The following SOX30 variants were observed in gnomAD, a reference collection of about 807,000 sequenced individuals.
SOX30 encodes the protein SRY-box transcription factor 30, also known as transcription factor SOX-30.
In SOX30, 17 loss-of-function variants were observed where a neutral mutation model predicts 58.6. The ratio of observed to expected loss-of-function variants is 0.29; its 90% CI spans 0.20 to 0.44. The LOEUF is 0.44. Ranked by LOEUF, SOX30 falls within the 20% of genes least tolerant of loss-of-function variation. The pLI is 1.00. For synonymous variants in SOX30, 421 were observed against 400.2 expected (o/e 1.05, Z -0.62); for missense variants, 951 against 965.8 (o/e 0.98, Z 0.20).
rs375835461 is a variant in SOX30 at position 157,666,478 on chromosome 5, GACACACACACACACACACACACACAC to G, written c.52+1294_52+1319del. Reference sequence around the variant, plus strand: ...AGATGAAAGATTCTTTAGTCCAGTAGACACACACACACACACACACACACACACACACACACACACACACACACACC... The same window carrying G: ...AGATGAAAGATTCTTTAGTCCAGTAGACACACACACACACACACACACACC... On this transcript the variant is annotated intron_variant, in intron 2 of 5. Transcript: ENST00000519442. Among the ~76,000 whole-genome samples the G allele has an allele frequency of 3.8e-5, 5 of 132,528 alleles. No individual in the cohort carries two copies. In the South Asian group the frequency reaches 8.1e-4, roughly 21 times the overall value. 86.9% of individuals were successfully genotyped at this position (132,528 alleles called of 152,430 possible). A position where few individuals can be genotyped will look rare whatever the true frequency, so the allele number is the denominator to read the frequency against.
intron 4 of SOX30, among the ~76,000 whole-genome samples, chr5:157,630,806 G>C (rs1306291343): frequency 1.4e-5 from 2 of 145,148 alleles, no homozygotes; most frequent in African/African-American, 5.1e-5. Context: ...CTGGATATGT[G>C]TGTGGCCTTC....
chr5:157,663,097 T>G (rs183370979), intron 2 of SOX30, among the ~76,000 whole-genome samples: 1 of 152,150 alleles, frequency 6.6e-6, no homozygotes, highest in Non-Finnish European at 1.5e-5. Flanking sequence ...CCCTAACTCA[T>G]TTTATGAGGC....
chr5:157,652,386 C>A lies in SOX30; in HGVS notation c.-308G>T. 1 of 1,110,938 alleles carries A rather than the reference C, an allele frequency of 9.0e-7. No homozygotes were observed. The allele number at this position is 1,110,938 out of a possible 1,614,324, so 68.8% of individuals were successfully genotyped here. ...TTCGTTCTGACTCTCTTGTGGAGTTCTCTTACAGCCGTTGTCTTTAGTCAT... is the reference window on the plus strand; with the variant it reads ...TTCGTTCTGACTCTCTTGTGGAGTTATCTTACAGCCGTTGTCTTTAGTCAT... On this transcript the variant is annotated 5_prime_UTR_variant, in exon 1 of 5. Coordinates refer to ENST00000265007, the MANE Select transcript of SOX30 (RefSeq NM_178424.2).
In SOX30 at chr5:157,651,337, A is replaced by G; in HGVS notation, c.742T>C (p.Ser248Pro). 6.2e-7 allele frequency: 1 copy of G among 1,613,968 alleles called. No homozygotes were observed. The highest frequency in any genetic ancestry group is 8.5e-7 in the Non-Finnish European group (1 of 1,180,028). The change falls in exon 1 of 5, where the codon TCC (serine) becomes CCC (proline). Residue 248 changes from serine to proline, a missense_variant. By Grantham distance (74) the Ser-to-Pro change is moderately conservative. This residue lies in a region of SOX30 where 84 missense variants were observed against 68.2 expected (regional missense o/e 1.23). Transcript: ENST00000265007. ...GSAEVILAPTSGAFGPHQQDL... is the reference protein window; with the variant it reads ...GSAEVILAPTPGAFGPHQQDL... ...TGCTGGTGCGGCCCAAAGGCACCGGACGTTGGGGCCAAGATGACCTCCGCG... is the reference window on the plus strand; with the variant it reads ...TGCTGGTGCGGCCCAAAGGCACCGGGCGTTGGGGCCAAGATGACCTCCGCG...
upstream of SOX30, among the ~76,000 whole-genome samples, chr5:157,656,855 T>G (rs1411497779): frequency 6.6e-6 from 1 of 152,228 alleles, no homozygotes; most frequent in Non-Finnish European, 1.5e-5. Context: ...TTGTAGGACA[T>G]TCTGTGTGTG....
rs1759373649 is a variant in SOX30 at position 157,652,172 on chromosome 5, T to A, written c.-94A>T. ...TTCGGTTAAGAGCCTTGCAAGGCCT[T>A]TGCTACCCAGAACCCTACGCGGTTC... On this transcript the variant is annotated 5_prime_UTR_variant, in exon 1 of 5. Coordinates refer to ENST00000265007, the MANE Select transcript of SOX30 (RefSeq NM_178424.2). 6.6e-6 allele frequency: 9 copies of A among 1,370,828 alleles called. No individual in the cohort carries two copies. Among genetic ancestry groups the A allele is most frequent in the Non-Finnish European group, 8.4e-6 (9 of 1,070,754 alleles). 84.9% of individuals were successfully genotyped at this position (1,370,828 alleles called of 1,614,324 possible).
intron 4 of SOX30, among the ~76,000 whole-genome samples, chr5:157,629,503 T>C (rs1391142776): frequency 6.6e-6 from 1 of 152,208 alleles, no homozygotes; most frequent in African/African-American, 2.4e-5. Context: ...AAAGACGAGT[T>C]CGTGTTATAT....
chr5:157,638,378 C>T lies in SOX30; in HGVS notation c.1732G>A (p.Ala578Thr), dbSNP rs1440882052. ...ATGGGAGAAGCCTGGGGGATTGGAG[C>T]ACTTCTGGGACAAGGGGAAACGCTG... ...YSSVSPCPRS[A>T]PIPQASPIPH... The change falls in exon 4 of 5, where the codon GCT becomes ACT. Residue 578 changes from alanine to threonine, a missense_variant. Around this residue, in one of 7 missense-constraint regions of SOX30, gnomAD observed 381 missense variants for 390.0 expected, o/e 0.98. Coordinates refer to ENST00000265007, the MANE Select transcript of SOX30 (RefSeq NM_178424.2). 9 of 1,613,546 alleles carry T rather than the reference C, an allele frequency of 5.6e-6. No homozygotes were observed. The highest frequency in any genetic ancestry group is 7.6e-6 in the Non-Finnish European group (9 of 1,179,826).
At chr5:157,630,967 CTA>C (rs919099154) in intron 4 of SOX30, among the ~76,000 whole-genome samples, 1 of 124,448 alleles carries the variant, frequency 8.0e-6, no homozygotes, top group Non-Finnish European at 1.6e-5. Flanking sequence ...TATATATACA[CTA>C]TATATTTTTA....
Position 157,648,734 on chromosome 5 carries a change from T to C in SOX30, c.1130A>G (p.Lys377Arg), listed in dbSNP as rs1159364230. 1 of 1,613,696 alleles carries C rather than the reference T, an allele frequency of 6.2e-7. No homozygotes were observed. Among genetic ancestry groups the C allele is most frequent in the Admixed American group, 1.7e-5 (1 of 59,928 alleles). ...GGGTTTCTTTTGTTCTTCACTAAGTTTGTTCCACTCTAACCCAAGCTGGAC... is the reference window on the plus strand; with the variant it reads ...GGGTTTCTTTTGTTCTTCACTAAGTCTGTTCCACTCTAACCCAAGCTGGAC... ...ISVQLGLEWNKLSEEQKKPYY... is the reference protein window; with the variant it reads ...ISVQLGLEWNRLSEEQKKPYY... Residue 377 changes from lysine to arginine, a missense_variant, in exon 2 of 5, where the codon AAA becomes AGA. By Grantham distance (26) the Lys-to-Arg change is conservative. Around this residue, in one of 7 missense-constraint regions of SOX30, gnomAD observed 57 missense variants for 104.0 expected, o/e 0.55. Coordinates refer to ENST00000265007, the MANE Select transcript of SOX30 (RefSeq NM_178424.2).
In SOX30 at chr5:157,646,776, G is replaced by T; in HGVS notation, c.1248C>A (p.Phe416Leu). Residue 416 changes from phenylalanine to leucine, a missense_variant, in exon 3 of 5, where the codon TTC (phenylalanine) becomes TTA (leucine). Coordinates refer to ENST00000265007, the MANE Select transcript of SOX30 (RefSeq NM_178424.2). ...YQPRPGKRKR[F>L]PLSVSNVFSG... ...AAAATACATTGGAAACACTTAGAGG[G>T]AATCGTTTTCGCTTCCCTGGACGAG... is the stretch of plus-strand genomic sequence containing the variant. 6.2e-7 allele frequency: 1 copy of T among 1,613,928 alleles called. No homozygotes were observed. Among genetic ancestry groups the T allele is most frequent in the Non-Finnish European group, 8.5e-7 (1 of 1,179,920 alleles).
At chr5:157,646,511 CTCT>C (rs1427669918) in intron 3 of SOX30, 123 bp downstream of exon 3, 8 of 710,934 alleles carry the variant, frequency 1.1e-5, no homozygotes, top group South Asian at 6.2e-5. Flanking sequence ...CTCACTTTCC[CTCT>C]TCTTTTTTTC....
In SOX30 at chr5:157,652,138, C is replaced by A; in HGVS notation, c.-60G>T. On this transcript the variant is annotated 5_prime_UTR_variant, in exon 1 of 5. Coordinates refer to ENST00000265007, the MANE Select transcript of SOX30 (RefSeq NM_178424.2). ...TCAGCCGTTTGTTGGCGACCTTCCC[C>A]CTCCCCCTTTCGGTTAAGAGCCTTG... The A allele has an allele frequency of 2.2e-6, 3 of 1,381,146 alleles. No individual in the cohort carries two copies. Among genetic ancestry groups the A allele is most frequent in the South Asian group, 1.7e-5 (1 of 57,438 alleles). 85.6% of individuals were successfully genotyped at this position (1,381,146 alleles called of 1,614,324 possible). A position where few individuals can be genotyped will look rare whatever the true frequency, so the allele number is the denominator to read the frequency against.
chr5:157,669,954 C>T (rs1208928142), intron 1 of SOX30, among the ~76,000 whole-genome samples: 2 of 152,166 alleles, frequency 1.3e-5, no homozygotes, highest in Admixed American at 6.5e-5. Context: ...GCATCAGGCT[C>T]ACCCCAGGAA....
rs1001599793 is a variant in SOX30 at position 157,646,711 on chromosome 5, G to A, written c.1313C>T (p.Thr438Ile). 2 of 1,613,168 alleles carry A rather than the reference G, an allele frequency of 1.2e-6. No homozygotes were observed. The highest frequency in any genetic ancestry group is 1.3e-5 in the African/African-American group (1 of 75,038). Residue 438 changes from threonine (T) to isoleucine (I), a missense_variant, in exon 3 of 5, where the codon ACA becomes ATA. Transcript: ENST00000265007. ...CGTAGGTGAGCGGTAAGGATAAACT[G>A]TTGTAGGATTTGTAGAGATGATATT... ...TQNIISTNPTTVYPYRSPTYS... is the reference protein window; with the variant it reads ...TQNIISTNPTIVYPYRSPTYS...
Position 157,646,665 on chromosome 5 carries a change from G to A in SOX30, c.1359C>T (p.Ser453=). Residue 453 remains serine, a synonymous_variant, in exon 3 of 5, where the codon AGC becomes AGT. Coordinates refer to ENST00000265007, the MANE Select transcript of SOX30 (RefSeq NM_178424.2). Reference sequence around the variant, plus strand: ...CTGGATGAGTGATGGGATTCTGTAGGCTGGGAATTACCACAGAGTACGTAG... The same window carrying A: ...CTGGATGAGTGATGGGATTCTGTAGACTGGGAATTACCACAGAGTACGTAG... ...RSPTYSVVIP[S]LQNPITHPVG... The A allele has an allele frequency of 1.2e-6, 2 of 1,611,252 alleles. No homozygotes were observed. The highest frequency in any genetic ancestry group is 1.7e-6 in the Non-Finnish European group (2 of 1,178,886).
chr5:157,643,150 A>C (rs1759111255), intron 3 of SOX30, among the ~76,000 whole-genome samples: 2 of 152,146 alleles, frequency 1.3e-5, no homozygotes, highest in Admixed American at 1.3e-4. Flanking sequence ...CTGTCCAGGC[A>C]TGATGGCTCA....
chr5:157,638,268 G>T lies in SOX30; in HGVS notation c.1842C>A (p.His614Gln). 1 of 1,566,528 alleles carries T rather than the reference G, an allele frequency of 6.4e-7. No individual in the cohort carries two copies. Among genetic ancestry groups the T allele is most frequent in the East Asian group, 2.3e-5 (1 of 44,404 alleles). The change falls in exon 4 of 5, where the codon CAC (histidine) becomes CAA (glutamine). Residue 614 changes from histidine to glutamine, a missense_variant. Physicochemically the swap from His to Gln is conservative, Grantham distance 24. Around this residue, in one of 7 missense-constraint regions of SOX30, gnomAD observed 381 missense variants for 390.0 expected, o/e 0.98. Transcript: ENST00000265007. ...AGTGAGGTCCGGGTAGGAAGTAAGG[G>T]TGATGAAAAGAGAATCTTGGTGGTG... Reference protein sequence around the residue: ...FGTPPRFSFHHPYFLPGPHYF... With the variant: ...FGTPPRFSFHQPYFLPGPHYF...
At position 157,626,222 on chromosome 5, in the gene SOX30, C is replaced by A; in HGVS notation, c.*118G>T. On this transcript the variant is annotated 3_prime_UTR_variant, in exon 5 of 5. Transcript: ENST00000265007. ...ACATAAATTGCATTTGGTTTTAACT[C>A]CTCAAATCACGACTGAAAACTTTCA... 1.1e-6 allele frequency: 1 copy of A among 918,290 alleles called. No homozygotes were observed. The highest frequency in any genetic ancestry group is 2.7e-5 in the East Asian group (1 of 36,444). 56.9% of individuals were successfully genotyped at this position (918,290 alleles called of 1,614,324 possible). A position where few individuals can be genotyped will look rare whatever the true frequency, so the allele number is the denominator to read the frequency against.
Sources: gnomAD v4.1 joint callset for allele counts (sites outside exome capture counted in the v4.1 genomes callset) on GRCh38, gnomAD v4.1.1 for gene constraint, gnomAD v4.1.1 regional missense constraint, MANE v1.5 for transcripts, NCBI Gene and HGNC (gene_info 2026-07-23, HGNC 2026-07-21) for gene names.